MACF1: variants seen among roughly 807,000 people sequenced by gnomAD.
MACF1 encodes the protein microtubule-actin cross-linking factor 1.
A neutral mutation model predicts 854.8 loss-of-function variants in MACF1; 193 were observed. The observed-to-expected ratio is 0.23, with a 90% CI of 0.20 to 0.25. MACF1 has a LOEUF of 0.25. MACF1 is among the 10% of genes least tolerant of loss of function. MACF1 has a pLI of 1.00. For missense variants in MACF1, 7,722 were observed against 8,929.1 expected (o/e 0.86, Z 5.45); for synonymous variants, 3,185 against 3,226.7 (o/e 0.99, Z 0.44).
chr1:39,106,380 G>A (rs1416246523), intron 2 of MACF1, among the ~76,000 whole-genome samples: 1 of 152,156 alleles, frequency 6.6e-6, no homozygotes, highest in Non-Finnish European at 1.5e-5. Context: ...AGGCTCTCTT[G>A]CGAGACACTT....
intron 35 of MACF1, among the ~76,000 whole-genome samples, chr1:39,326,196 A>G (rs1439125961): frequency 6.6e-6 from 1 of 152,208 alleles, no homozygotes; most frequent in Non-Finnish European, 1.5e-5. Context: ...CATATCCATG[A>G]GTTGATGGAT....
At chr1:39,364,752 A>G (rs1388804201) in intron 49 of MACF1, among the ~76,000 whole-genome samples, 1 of 151,888 alleles carries the variant, frequency 6.6e-6, no homozygotes, top group Non-Finnish European at 1.5e-5. Context: ...TCAGCCTCCC[A>G]AAGTGCTGGG....
chr1:39,129,456 T>G (rs1642942425), intron 2 of MACF1, among the ~76,000 whole-genome samples: 1 of 152,214 alleles, frequency 6.6e-6, no homozygotes, highest in Non-Finnish European at 1.5e-5. Context: ...AACCAGTTGT[T>G]AATTGCCATT....
intron 58 of MACF1, chr1:39,413,238 T>G (rs1293403064): frequency 6.2e-7 from 1 of 1,612,966 alleles, no homozygotes; most frequent in African/African-American, 1.3e-5. Flanking sequence ...ATACTGCAGC[T>G]GTCAGAGTGT....
intron 56 of MACF1, among the ~76,000 whole-genome samples, chr1:39,383,230 A>G (rs1018881403): frequency 1.3e-5 from 2 of 152,220 alleles, no homozygotes; most frequent in Admixed American, 6.5e-5. Flanking sequence ...TGTCTTCTCA[A>G]CTTACCAGGT....
Position 39,155,385 on chromosome 1 carries a change from C to T in MACF1, c.220+70947C>T, listed in dbSNP as rs147670549. On this transcript the variant is annotated intron_variant, in intron 2 of 93. Transcript: ENST00000361689. ...TGTTGTTAGATTGCTGTTGTGTAGT[C>T]GACTTTCCTTCTTTAGGTGGGAAGA... Among the ~76,000 whole-genome samples, 519 of 152,188 alleles carry T rather than the reference C, an allele frequency of 3.4e-3. 5 individuals carry two copies. The highest frequency in any genetic ancestry group is 0.015 in the South Asian group (74 of 4,816).
chr1:39,412,379 T>C, intron 58 of MACF1: 1 of 1,614,060 alleles, frequency 6.2e-7, no homozygotes, highest in South Asian at 1.1e-5. Flanking sequence ...GGAAATGTGG[T>C]CACTTGTGAA....
chr1:39,216,360 T>G (rs903745738), intron 1 of MACF1, among the ~76,000 whole-genome samples: 1 of 152,178 alleles, frequency 6.6e-6, no homozygotes, highest in East Asian at 1.9e-4. Context: ...TTGTGGAACA[T>G]GTATTTGTCT....
intron 55 of MACF1, among the ~76,000 whole-genome samples, chr1:39,380,583 C>A (rs1299398715): frequency 1.3e-5 from 2 of 152,234 alleles, no homozygotes; most frequent in South Asian, 4.1e-4. Context: ...CTTTCTTGGG[C>A]AAGTCAAACT....
chr1:39,263,399 C>T (rs1645187845), intron 6 of MACF1, among the ~76,000 whole-genome samples: 2 of 151,970 alleles, frequency 1.3e-5, no homozygotes, highest in South Asian at 4.1e-4. Flanking sequence ...GGTAGATGTT[C>T]TTTTTAATTT....
At chr1:39,246,070 T>G (rs2148328469) in intron 2 of MACF1, among the ~76,000 whole-genome samples, 1 of 152,312 alleles carries the variant, frequency 6.6e-6, no homozygotes. Context: ...TGATTACACT[T>G]TCTTGTATTT....
chr1:39,411,941 A>C (rs1317749756), intron 58 of MACF1: 1 of 1,613,902 alleles, frequency 6.2e-7, no homozygotes, highest in African/African-American at 1.3e-5. Flanking sequence ...GCCCACGTTG[A>C]TATCATGAGA....
Position 39,233,943 on chromosome 1 carries a change from G to C in MACF1, c.171+2700G>C, listed in dbSNP as rs541088202. 2.8e-5 allele frequency among the ~76,000 whole-genome samples: 4 copies of C among 145,072 alleles called. No homozygotes were observed. The East Asian group carries it at 6.0e-4, about 22-fold the overall frequency. On this transcript the variant is annotated intron_variant, in intron 2 of 100. Coordinates refer to ENST00000564288, the MANE Select transcript of MACF1 (RefSeq NM_001394062.1). ...TAGGCAGAGGACCCTGCGGCCTTCC[G>C]CAGTGTTTGTGTCCCTGGGTACTTG... is the stretch of plus-strand genomic sequence containing the variant.
Position 39,442,203 on chromosome 1 carries a change from G to A in MACF1, c.18831G>A (p.Gln6277=). 1 of 1,606,500 alleles carries A rather than the reference G, an allele frequency of 6.2e-7. No individual in the cohort carries two copies. The highest frequency in any genetic ancestry group is 1.1e-5 in the South Asian group (1 of 90,222). Residue 6277 remains glutamine, a synonymous_variant, in exon 76 of 101, where the codon CAG becomes CAA. Coordinates refer to ENST00000564288, the MANE Select transcript of MACF1 (RefSeq NM_001394062.1). ...TTGAGATGGAGAAGCTTAATCACCA[G>A]GGTGAACTGATGTTAAAGAAAGCTA... is the stretch of plus-strand genomic sequence containing the variant. ...QQIEMEKLNH[Q]GELMLKKATD...
At chr1:39,214,464 T>G (rs553667143) in intron 1 of MACF1, among the ~76,000 whole-genome samples, 1 of 152,304 alleles carries the variant, frequency 6.6e-6, no homozygotes, top group East Asian at 1.9e-4. Context: ...CTGAGTTAAG[T>G]GCACTGACTG....
At position 39,332,138 on chromosome 1, in the gene MACF1, G is replaced by T. The variant is rs771010280; in HGVS notation, c.5550G>T (p.Gly1850=). 8 of 1,614,098 alleles carry T rather than the reference G, an allele frequency of 5.0e-6. No homozygotes were observed. The highest frequency in any genetic ancestry group is 6.8e-6 in the Non-Finnish European group (8 of 1,180,014). Residue 1850 remains glycine (G), a synonymous_variant, in exon 37 of 101, where the codon GGG becomes GGT. Coordinates refer to ENST00000564288, the MANE Select transcript of MACF1 (RefSeq NM_001394062.1). ...TGGAGTCCCTCTGGTCATTCATGGGGTTGCTGTGGCCTGAATCTGGAGAGA... is the reference window on the plus strand; with the variant it reads ...TGGAGTCCCTCTGGTCATTCATGGGTTTGCTGTGGCCTGAATCTGGAGAGA... The part of the protein sequence containing the change: ...VILESLWSFM[G]LLWPESGEIL...
Position 39,285,201 on chromosome 1 carries a change from C to G in MACF1, c.1250C>G (p.Ala417Gly). The change falls in exon 12 of 101, where the codon GCT (alanine) becomes GGT (glycine). Residue 417 changes from alanine to glycine, a missense_variant. Physicochemically the swap from Ala to Gly is moderately conservative, Grantham distance 60. Transcript: ENST00000564288. ...GAACGAGAGAAATCACTTCGGCCGG[C>G]TGTGGAGAGGTGGGTCCAGATCCTG... The part of the protein sequence containing the change: ...MLEREKSLRP[A>G]VERLELLLQI... 6.2e-7 allele frequency: 1 copy of G among 1,614,180 alleles called. No homozygotes were observed.
Position 39,387,350 on chromosome 1 carries a change from T to C in MACF1, c.14508T>C (p.Asn4836=), listed in dbSNP as rs762861917. The change falls in exon 58 of 101, where the codon AAT becomes AAC. Residue 4836 remains asparagine (N), a synonymous_variant. Transcript: ENST00000564288. The part of the protein sequence containing the change: ...LERLQSQLQE[N]EEFQKSLNQH... ...GGCTACAGTCTCAGCTACAGGAGAA[T>C]GAAGAGTTTCAGAAAAGTCTTAATC... 1.9e-6 allele frequency: 3 copies of C among 1,614,176 alleles called. No homozygotes were observed. The highest frequency in any genetic ancestry group is 2.5e-6 in the Non-Finnish European group (3 of 1,180,040).
At chr1:39,132,438 G>A (rs774219694) in intron 2 of MACF1, among the ~76,000 whole-genome samples, 1 of 152,136 alleles carries the variant, frequency 6.6e-6, no homozygotes, top group Admixed American at 6.5e-5. Context: ...TTGGCATTAG[G>A]CATTGGAGTG....
Sources: allele counts gnomAD v4.1 joint callset (sites outside exome capture counted in the v4.1 genomes callset), GRCh38; gene constraint gnomAD v4.1.1; transcripts MANE v1.5; gene names NCBI Gene and HGNC (gene_info 2026-07-23, HGNC 2026-07-21).